LCP1: variants seen among roughly 807,000 people sequenced by gnomAD.
LCP1 encodes plastin-2.
Under a neutral mutation model 72.0 loss-of-function variants are expected in LCP1, and 23 were observed. That is an observed-to-expected ratio of 0.32 (90% CI 0.23 to 0.45). The LOEUF (loss-of-function observed/expected upper bound fraction) is 0.45. Among genes scored for constraint, LCP1 ranks in the 20% least tolerant of loss-of-function variants. The pLI, the probability that LCP1 is intolerant of heterozygous loss-of-function variation, is 1.00. For missense variants in LCP1, 571 were observed against 748.3 expected (o/e 0.76, Z 2.76); for synonymous variants, 245 against 275.4 (o/e 0.89, Z 1.09).
rs2045606438 is a variant in LCP1, at chr13:46,127,544, G to T, written c.*47C>A. The T allele has an allele frequency of 1.2e-6, 2 of 1,609,730 alleles. No homozygotes were observed. Among genetic ancestry groups the T allele is most frequent in the Admixed American group, 1.7e-5 (1 of 59,808 alleles). ...AATCATCCCTGGAGCATCTGTGCCGGGCAGTCAGGAGTGAGTGCACCGCCT... is the reference window on the plus strand; with the variant it reads ...AATCATCCCTGGAGCATCTGTGCCGTGCAGTCAGGAGTGAGTGCACCGCCT... On this transcript the variant is annotated 3_prime_UTR_variant, in exon 16 of 16. Coordinates refer to ENST00000323076, the MANE Select transcript of LCP1 (RefSeq NM_002298.5).
chr13:46,149,513 T>C (rs188902923), intron 8 of LCP1, among the ~76,000 whole-genome samples: 4 of 152,354 alleles, frequency 2.6e-5, no homozygotes, highest in Non-Finnish European at 5.9e-5. Flanking sequence ...CTGACTCTCA[T>C]GAACCTTCTC....
Position 46,127,535 on chromosome 13 carries a change from T to A in LCP1, c.*56A>T. On this transcript the variant is annotated 3_prime_UTR_variant, in exon 16 of 16. Transcript: ENST00000323076. ...AATGGCTTGAATCATCCCTGGAGCA[T>A]CTGTGCCGGGCAGTCAGGAGTGAGT... 1 of 1,605,128 alleles carries A rather than the reference T, an allele frequency of 6.2e-7. No individual in the cohort carries two copies. The highest frequency in any genetic ancestry group is 8.5e-7 in the Non-Finnish European group (1 of 1,174,718).
intron 1 of LCP1, among the ~76,000 whole-genome samples, chr13:46,178,240 T>C (rs759021251): frequency 1.3e-5 from 2 of 152,168 alleles, no homozygotes; most frequent in Non-Finnish European, 2.9e-5. Flanking sequence ...ATTAACGTTA[T>C]TATTAGGATG....
At chr13:46,181,741 G>A (rs772111309) in intron 1 of LCP1, among the ~76,000 whole-genome samples, 1 of 152,148 alleles carries the variant, frequency 6.6e-6, no homozygotes, top group Non-Finnish European at 1.5e-5. Context: ...ATCAATACGC[G>A]CTTTTCCTGA....
intron 13 of LCP1, among the ~76,000 whole-genome samples, chr13:46,139,400 C>T (rs914646235): frequency 4.6e-5 from 7 of 152,202 alleles, no homozygotes; most frequent in Non-Finnish European, 7.3e-5. Context: ...AATACTGACA[C>T]GATTACATCC....
chr13:46,136,988 T>A (rs1473581493), intron 13 of LCP1, among the ~76,000 whole-genome samples: 1 of 152,144 alleles, frequency 6.6e-6, no homozygotes, highest in Non-Finnish European at 1.5e-5. Flanking sequence ...GAAGCCCACC[T>A]TTATACTAAA....
At chr13:46,171,670 G>A (rs1396904211) in intron 1 of LCP1, among the ~76,000 whole-genome samples, 1 of 152,208 alleles carries the variant, frequency 6.6e-6, no homozygotes, top group Non-Finnish European at 1.5e-5. Flanking sequence ...TTGCTCCTGA[G>A]GGGCACACAG....
chr13:46,145,853 G>A (rs1195477928), intron 10 of LCP1, among the ~76,000 whole-genome samples: 1 of 69,836 alleles, frequency 1.4e-5, no homozygotes, highest in Admixed American at 1.8e-4. Flanking sequence ...AGCTTGCAGT[G>A]AGCCGAGATC....
At chr13:46,131,065 A>C in intron 14 of LCP1, 127 bp from the exon 15 acceptor site, 1 of 925,942 alleles carries the variant, frequency 1.1e-6, no homozygotes, top group Admixed American at 3.2e-5. Context: ...GAAATGCAGC[A>C]GTATTCCACA....
At chr13:46,179,526 C>T (rs2045946713) in intron 1 of LCP1, among the ~76,000 whole-genome samples, 1 of 152,122 alleles carries the variant, frequency 6.6e-6, no homozygotes, top group South Asian at 2.1e-4. Flanking sequence ...AAGATCAAAG[C>T]ATTGAGCAAA....
chr13:46,147,093 T>C lies in LCP1; in HGVS notation c.989A>G (p.Asp330Gly), dbSNP rs367552316. 1.8e-5 allele frequency: 29 copies of C among 1,588,786 alleles called. No homozygotes were observed. The highest frequency in any genetic ancestry group is 2.3e-5 in the Non-Finnish European group (27 of 1,169,072). ...CAGCATGCATTCTGCCCTCTGGATG[T>C]CATCCTTCTCCTGCAATGCAAAAGG... ...IDMSGLREKD[D>G]IQRAECMLQQ... Residue 330 changes from aspartate (D) to glycine (G), a missense_variant, in exon 10 of 16, where the codon GAC becomes GGC. Asp to Gly is a moderately conservative substitution (Grantham distance 94). Transcript: ENST00000323076.
chr13:46,134,333 T>G, intron 13 of LCP1, 83 bp from the exon 14 acceptor site: 1 of 1,370,754 alleles, frequency 7.3e-7, no homozygotes, highest in Non-Finnish European at 1.0e-6. Context: ...ATGGAATTTT[T>G]TTTTCGGGTA....
chr13:46,152,123 C>A (rs903342601), intron 7 of LCP1, among the ~76,000 whole-genome samples: 17 of 152,184 alleles, frequency 1.1e-4, no homozygotes, highest in Admixed American at 2.6e-4. Context: ...GTTGGTCAAG[C>A]AAATTAACAT....
Position 46,127,037 on chromosome 13 carries a change from C to A in LCP1, c.*554G>T, listed in dbSNP as rs1410427051. On this transcript the variant is annotated 3_prime_UTR_variant, in exon 16 of 16. Transcript: ENST00000323076. ...ACTCCAAGTGGCCCAGAGACAAGGA[C>A]GGCCAGAAGAGATGGGCCCCCCCGG... 1.3e-5 allele frequency: 3 copies of A among 231,368 alleles called. No individual in the cohort carries two copies. In the East Asian group the frequency reaches 1.8e-4, roughly 14 times the overall value. 14.3% of individuals were successfully genotyped at this position (231,368 alleles called of 1,614,324 possible). A position where few individuals can be genotyped will look rare whatever the true frequency, so the allele number is the denominator to read the frequency against.
rs1482881136 is a variant in LCP1, at chr13:46,143,504, CACA to C, written c.1254-103_1254-101del. ...CTTACATATTAGTTCAAAGAATATT[CACA>C]ACAACCCTGCACACTTGGTAGTCGT... On this transcript the variant is annotated intron_variant, in intron 11 of 15. Coordinates refer to ENST00000323076, the MANE Select transcript of LCP1 (RefSeq NM_002298.5). 6 of 739,080 alleles carry C rather than the reference CACA, an allele frequency of 8.1e-6. No homozygotes were observed. In the East Asian group the frequency reaches 1.0e-4, roughly 13 times the overall value. 45.8% of individuals were successfully genotyped at this position (739,080 alleles called of 1,614,324 possible).
chr13:46,146,904 T>A lies in LCP1; in HGVS notation c.1174+4A>T, dbSNP rs1314498698. 1 of 1,614,122 alleles carries A rather than the reference T, an allele frequency of 6.2e-7. No individual in the cohort carries two copies. The highest frequency in any genetic ancestry group is 1.7e-5 in the Admixed American group (1 of 60,024). On this transcript the variant is annotated splice_donor_region_variant and intron_variant, in intron 10 of 15. Transcript: ENST00000323076. ...CCCATCTTAGGCAAATCGTTTACAGTTACCTTCAAGAGCCCCCCAGTCAAT... is the reference window on the plus strand; with the variant it reads ...CCCATCTTAGGCAAATCGTTTACAGATACCTTCAAGAGCCCCCCAGTCAAT...
intron 1 of LCP1, among the ~76,000 whole-genome samples, chr13:46,172,098 A>T: frequency 6.6e-6 from 1 of 152,270 alleles, no homozygotes; most frequent in East Asian, 1.9e-4. Flanking sequence ...AAGGTTTTCC[A>T]GAGAAGGTGA....
intron 1 of LCP1, among the ~76,000 whole-genome samples, chr13:46,168,258 T>G (rs1593962957): frequency 6.6e-6 from 1 of 152,182 alleles, no homozygotes; most frequent in Non-Finnish European, 1.5e-5. Context: ...GTTCCAAAAT[T>G]CTATGCAGTA....
intron 1 of LCP1, among the ~76,000 whole-genome samples, chr13:46,179,476 C>T (rs942066777): frequency 7.9e-5 from 12 of 152,106 alleles, no homozygotes; most frequent in African/African-American, 2.9e-4. Flanking sequence ...CAAATAAGTA[C>T]TTGAAACTAA....
Sources: gnomAD v4.1 joint callset for allele counts (sites outside exome capture counted in the v4.1 genomes callset) on GRCh38, gnomAD v4.1.1 for gene constraint, MANE v1.5 for transcripts, NCBI Gene and HGNC (gene_info 2026-07-23, HGNC 2026-07-21) for gene names.